Variants in LIPG observed in about 807,000 individuals in gnomAD.
The protein encoded by LIPG is endothelial lipase.
A neutral mutation model predicts 51.8 loss-of-function variants in LIPG; 34 were observed. The ratio of observed to expected loss-of-function variants is 0.66; its 90% CI spans 0.50 to 0.87. LIPG has a LOEUF of 0.87. LIPG is among the 40% of genes least tolerant of loss of function. The pLI is 0.00. For missense variants in LIPG, 580 were observed against 652.7 expected (o/e 0.89, Z 1.21); for synonymous variants, 246 against 246.1 (o/e 1.00, Z 0.00).
intron 9 of LIPG, chr18:49,590,082 C>T (rs1003014160): frequency 2.2e-5 from 7 of 320,290 alleles, no homozygotes; most frequent in African/African-American, 1.3e-4. Flanking sequence ...CAGTCTTGCC[C>T]CCTTTCTGCC....
intron 4 of LIPG, among the ~76,000 whole-genome samples, chr18:49,574,450 T>C (rs1279240154): frequency 6.6e-6 from 1 of 152,236 alleles, no homozygotes; most frequent in Admixed American, 6.5e-5. Context: ...CTGCATTTTA[T>C]ACTTTGCAAG....
intron 4 of LIPG, among the ~76,000 whole-genome samples, chr18:49,569,955 C>T (rs2084646346): frequency 6.6e-6 from 1 of 152,206 alleles, no homozygotes; most frequent in Non-Finnish European, 1.5e-5. Flanking sequence ...CAGGGGCAAA[C>T]AGCTAATAAC....
chr18:49,591,835 C>T lies in LIPG; in HGVS notation c.*1313C>T, dbSNP rs2084947927. On this transcript the variant is annotated 3_prime_UTR_variant, in exon 10 of 10. Coordinates refer to ENST00000261292, the MANE Select transcript of LIPG (RefSeq NM_006033.4). ...ACTGAGGCTTAGTGAGGTTCAGCCA[C>T]ATGCCTAGACTTATATACTAGTTAG... 1 of 152,166 alleles carries T rather than the reference C, an allele frequency of 6.6e-6. No homozygotes were observed. The highest frequency in any genetic ancestry group is 2.4e-5 in the African/African-American group (1 of 41,430). The allele number at this position is 152,166 out of a possible 1,614,324, so 9.4% of individuals were successfully genotyped here.
In LIPG at chr18:49,592,375, T is replaced by G. The variant is rs1323313867; in HGVS notation, c.*1853T>G. On this transcript the variant is annotated 3_prime_UTR_variant, in exon 10 of 10. Coordinates refer to ENST00000261292, the MANE Select transcript of LIPG (RefSeq NM_006033.4). The stretch of plus-strand genomic sequence containing the variant: ...TTTAGATTATTTTCAGATTTTGGAA[T>G]GTTTGCATATACATAATGAGATATT... 6.6e-6 allele frequency: 1 copy of G among 152,218 alleles called. No individual in the cohort carries two copies. The highest frequency in any genetic ancestry group is 1.5e-5 in the Non-Finnish European group (1 of 68,036). 9.4% of individuals were successfully genotyped at this position (152,218 alleles called of 1,614,324 possible).
chr18:49,567,344 A>T, intron 2 of LIPG, 98 bp from the exon 3 acceptor site: 1 of 1,325,202 alleles, frequency 7.5e-7, no homozygotes, highest in Non-Finnish European at 1.0e-6. Context: ...GTCAAAAAAA[A>T]AAAATTAATT....
chr18:49,586,887 C>G, intron 9 of LIPG, 37 bp downstream of exon 9: 3 of 1,437,670 alleles, frequency 2.1e-6, no homozygotes, highest in Non-Finnish European at 2.9e-6. Context: ...ACCCAGGACA[C>G]GTTGACATGA....
intron 2 of LIPG, among the ~76,000 whole-genome samples, chr18:49,566,714 G>A (rs2084609910): frequency 6.6e-6 from 1 of 152,150 alleles, no homozygotes; most frequent in Admixed American, 6.5e-5. Flanking sequence ...TCACCTAGGA[G>A]ACAGCATCTC....
chr18:49,598,056 C>A lies in LIPG; in HGVS notation c.*7534C>A, dbSNP rs1185329148. ...TGTATCCTCTATTAGATACACAGAG[C>A]TTCTTCCTTCTGCTTAGGCTGCCCC... On this transcript the variant is annotated 3_prime_UTR_variant, in exon 10 of 10. Coordinates refer to ENST00000261292, the MANE Select transcript of LIPG (RefSeq NM_006033.4). The A allele has an allele frequency of 6.6e-6, 1 of 152,188 alleles. No homozygotes were observed. The highest frequency in any genetic ancestry group is 1.5e-5 in the Non-Finnish European group (1 of 68,032). The allele number at this position is 152,188 out of a possible 1,614,324, so 9.4% of individuals were successfully genotyped here. A position where few individuals can be genotyped will look rare whatever the true frequency, so the allele number is the denominator to read the frequency against.
rs775541515 is a variant in LIPG at position 49,581,448 on chromosome 18, G to A, written c.827G>A (p.Arg276Gln). The A allele has an allele frequency of 1.5e-5, 24 of 1,614,148 alleles. No individual in the cohort carries two copies. The highest frequency in any genetic ancestry group is 1.9e-5 in the Non-Finnish European group (22 of 1,180,040). Reference protein sequence around the residue: ...ITEVVKCEHERAVHLFVDSLV... With the variant: ...ITEVVKCEHEQAVHLFVDSLV... ...GAGGTGGTAAAATGTGAGCATGAGC[G>A]AGCCGTCCACCTCTTTGTTGACTCT... Residue 276 changes from arginine to glutamine, a missense_variant, in exon 6 of 10, where the codon CGA becomes CAA. Coordinates refer to ENST00000261292, the MANE Select transcript of LIPG (RefSeq NM_006033.4).
intron 5 of LIPG, among the ~76,000 whole-genome samples, chr18:49,577,641 A>AG (rs1169385460): frequency 5.1e-5 from 7 of 137,138 alleles, no homozygotes; most frequent in Non-Finnish European, 1.1e-4. Context: ...CTGGCCGGGC[A>AG]GGGGGCTGAC....
chr18:49,575,203 A>T (rs917237239), intron 4 of LIPG, among the ~76,000 whole-genome samples, 166 bp from the exon 5 acceptor site: 3 of 152,226 alleles, frequency 2.0e-5, no homozygotes, highest in Non-Finnish European at 4.4e-5. Context: ...TCAACTGCAT[A>T]TGGAAATGGG....
intron 9 of LIPG, 93 bp from the exon 10 acceptor site, chr18:49,590,408 G>A: frequency 2.9e-6 from 4 of 1,364,590 alleles, no homozygotes; most frequent in Non-Finnish European, 4.1e-6. Flanking sequence ...AGAAAGCTTG[G>A]CCTTAAGGTC....
chr18:49,567,887 C>G (rs1843681988), intron 3 of LIPG: 1 of 437,458 alleles, frequency 2.3e-6, no homozygotes, highest in Non-Finnish European at 4.1e-6. Context: ...TCTTCCTGAT[C>G]TTAGAAACAG....
intron 2 of LIPG, 72 bp downstream of exon 2, chr18:49,565,570 A>C (rs2084596747): frequency 1.3e-6 from 2 of 1,548,582 alleles, no homozygotes; most frequent in South Asian, 2.3e-5. Flanking sequence ...ATTAGAAAGA[A>C]TTCTGGTGTT....
chr18:49,581,289 T>A, intron 5 of LIPG, 126 bp from the exon 6 acceptor site: 5 of 1,386,944 alleles, frequency 3.6e-6, no homozygotes, highest in Non-Finnish European at 5.1e-6. Flanking sequence ...AGCAAAAGAA[T>A]TACATGAAAA....
intron 5 of LIPG, among the ~76,000 whole-genome samples, chr18:49,578,124 C>T (rs1420240756): frequency 1.5e-4 from 1 of 6,572 alleles, no homozygotes; most frequent in Admixed American, 5.3e-4. Flanking sequence ...GGGGGCTGAC[C>T]CCCCCCCACC....
Position 49,591,988 on chromosome 18 carries a change from T to A in LIPG, c.*1466T>A, listed in dbSNP as rs146861047. 2.5e-4 allele frequency: 38 copies of A among 152,084 alleles called. No individual in the cohort carries two copies. In the East Asian group the frequency reaches 2.7e-3, roughly 11 times the overall value. 9.4% of individuals were successfully genotyped at this position (152,084 alleles called of 1,614,324 possible). A position where few individuals can be genotyped will look rare whatever the true frequency, so the allele number is the denominator to read the frequency against. ...TGAGACAAACAAGGACTTTTTTTTTTATATAGAGCCATCCATAAAATCCTA... is the reference window on the plus strand; with the variant it reads ...TGAGACAAACAAGGACTTTTTTTTTAATATAGAGCCATCCATAAAATCCTA... On this transcript the variant is annotated 3_prime_UTR_variant, in exon 10 of 10. Coordinates refer to ENST00000261292, the MANE Select transcript of LIPG (RefSeq NM_006033.4).
intron 4 of LIPG, 64 bp from the exon 5 acceptor site, chr18:49,575,305 A>G: frequency 7.6e-7 from 1 of 1,311,718 alleles, no homozygotes; most frequent in East Asian, 2.3e-5. Context: ...TTAACTTGTA[A>G]TCAGGACTCA....
At chr18:49,576,354 C>A (rs1006994444) in intron 5 of LIPG, among the ~76,000 whole-genome samples, 2 of 151,068 alleles carry the variant, frequency 1.3e-5, no homozygotes, top group African/African-American at 2.4e-5. Flanking sequence ...CATTGTTCTG[C>A]AACTTTATTT....
Sources: allele counts gnomAD v4.1 joint callset (sites outside exome capture counted in the v4.1 genomes callset), GRCh38; gene constraint gnomAD v4.1.1; transcripts MANE v1.5; gene names NCBI Gene and HGNC (gene_info 2026-07-23, HGNC 2026-07-21).